Variants in SHISA9 observed in about 807,000 individuals in gnomAD.
SHISA9 encodes protein shisa-9.
In SHISA9, 13 loss-of-function variants were observed where a neutral mutation model predicts 38.0. That is an observed-to-expected ratio of 0.34 (90% confidence interval 0.22 to 0.54). SHISA9 has a LOEUF of 0.54. Ranked by LOEUF, SHISA9 falls within the 20% of genes least tolerant of loss-of-function variation. The probability of loss-of-function intolerance (pLI) is 0.91; values close to 1 mark genes in which losing one functional copy is unlikely to be tolerated. For synonymous variants in SHISA9, 275 were observed against 242.0 expected (o/e 1.14, Z -1.27); for missense variants, 538 against 575.8 (o/e 0.93, Z 0.67).
chr16:13,300,469 C>G, the SHISA9 span, among the ~76,000 whole-genome samples: 1 of 152,102 alleles, frequency 6.6e-6, no homozygotes, highest in Non-Finnish European at 1.5e-5. Flanking sequence ...GTGATATGGT[C>G]TGCCCCATGA....
the SHISA9 span, chr16:13,458,613 G>GATCTAA: frequency 2.6e-6 from 1 of 387,162 alleles, no homozygotes; most frequent in East Asian, 8.4e-5. Flanking sequence ...TAAGAGATTT[G>GATCTAA]GATCAAAGAT....
chr16:13,562,867 CAAG>C, the SHISA9 span: 1 of 149,058 alleles, frequency 6.7e-6, no homozygotes, highest in South Asian at 2.1e-4. Flanking sequence ...TAGAAATGCA[CAAG>C]AACTGAAAGC....
At chr16:13,392,946 G>A in the SHISA9 span, among the ~76,000 whole-genome samples, 1 of 152,240 alleles carries the variant, frequency 6.6e-6, no homozygotes, top group Non-Finnish European at 1.5e-5. Context: ...AGAGCTGTGA[G>A]ATGATAAATG....
At chr16:13,350,299 G>A in the SHISA9 span, 2 of 152,248 alleles carry the variant, frequency 1.3e-5, no homozygotes, top group South Asian at 4.1e-4. Context: ...CGCCTCGGTT[G>A]AGAGTTACAC....
At chr16:13,421,317 A>G in the SHISA9 span, among the ~76,000 whole-genome samples, 1 of 152,228 alleles carries the variant, frequency 6.6e-6, no homozygotes, top group South Asian at 2.1e-4. Context: ...ACTAGGAAGA[A>G]AAAGAGGTGT....
intron 2 of SHISA9, among the ~76,000 whole-genome samples, chr16:12,947,683 T>A (rs2071705014): frequency 6.6e-6 from 1 of 152,190 alleles, no homozygotes; most frequent in South Asian, 2.1e-4. Context: ...ATTCGATGCT[T>A]TTAGGATAAC....
intron 4 of SHISA9, among the ~76,000 whole-genome samples, chr16:13,228,634 G>A (rs1427410106): frequency 6.6e-6 from 1 of 152,212 alleles, no homozygotes; most frequent in Admixed American, 6.5e-5. Flanking sequence ...GGAGGAAAGT[G>A]AGAAAGATAG....
At chr16:13,311,131 G>A in the SHISA9 span, among the ~76,000 whole-genome samples, 1 of 151,998 alleles carries the variant, frequency 6.6e-6, no homozygotes, top group Non-Finnish European at 1.5e-5. Flanking sequence ...TCTCGTTTCT[G>A]CTTCTCTGTC....
the SHISA9 span, among the ~76,000 whole-genome samples, chr16:13,338,933 C>G: frequency 6.6e-6 from 1 of 152,148 alleles, no homozygotes; most frequent in African/African-American, 2.4e-5. Context: ...TTTCATCAAA[C>G]TTCAGAAGTA....
the SHISA9 span, among the ~76,000 whole-genome samples, chr16:13,440,439 G>T: frequency 1.2e-4 from 19 of 152,330 alleles, no homozygotes; most frequent in African/African-American, 4.6e-4. Context: ...ATTGAAGGGG[G>T]AGAAGGAAAG....
chr16:13,430,097 A>G, the SHISA9 span, among the ~76,000 whole-genome samples: 67 of 152,178 alleles, frequency 4.4e-4, no homozygotes, highest in East Asian at 4.6e-3. Context: ...ACAGGCATCT[A>G]TAAGTCCAAG....
chr16:12,938,215 T>A (rs1265239045), intron 2 of SHISA9, among the ~76,000 whole-genome samples: 1 of 152,218 alleles, frequency 6.6e-6, no homozygotes, highest in East Asian at 1.9e-4. Context: ...CTGTATATTT[T>A]CCGATGGGTC....
intron 2 of SHISA9, among the ~76,000 whole-genome samples, chr16:13,073,351 T>C (rs914299296): frequency 2.0e-5 from 3 of 152,006 alleles, no homozygotes; most frequent in Non-Finnish European, 4.4e-5. Context: ...GTCTTTGCCA[T>C]CTTTCACAGT....
chr16:13,026,605 A>G (rs924839738), intron 2 of SHISA9, among the ~76,000 whole-genome samples: 3 of 152,146 alleles, frequency 2.0e-5, no homozygotes, highest in Non-Finnish European at 2.9e-5. Flanking sequence ...GGATTGCTGC[A>G]TCGTATGGTA....
intron 3 of SHISA9, among the ~76,000 whole-genome samples, chr16:13,208,449 T>TC (rs1306406213): frequency 4.0e-5 from 6 of 148,716 alleles, no homozygotes; most frequent in African/African-American, 1.5e-4. Context: ...TTTTCTTTTT[T>TC]TTTTTTTTTG....
At chr16:13,259,540 C>T in the SHISA9 span, among the ~76,000 whole-genome samples, 10 of 152,376 alleles carry the variant, frequency 6.6e-5, no homozygotes, top group African/African-American at 2.2e-4. Flanking sequence ...AGAGGTTCTC[C>T]ATGAGGGCCC....
At chr16:13,496,461 A>C in the SHISA9 span, among the ~76,000 whole-genome samples, 202 of 152,278 alleles carry the variant, frequency 1.3e-3, no homozygotes, top group African/African-American at 4.5e-3. Flanking sequence ...AGCCATCTCA[A>C]GTCAATGGTC....
At chr16:13,213,407 T>C in intron 4 of SHISA9, 107 bp downstream of exon 4, 1 of 1,035,926 alleles carries the variant, frequency 9.7e-7, no homozygotes, top group Non-Finnish European at 1.4e-6. Context: ...TGCACATGTG[T>C]GTCTGCATAG....
At chr16:13,346,865 G>T in the SHISA9 span, among the ~76,000 whole-genome samples, 3 of 152,124 alleles carry the variant, frequency 2.0e-5, no homozygotes, top group Non-Finnish European at 4.4e-5. Context: ...TAAAAAATAT[G>T]GTGGTGCTTG....
Sources: gnomAD v4.1 joint callset for allele counts (sites outside exome capture counted in the v4.1 genomes callset) on GRCh38, gnomAD v4.1.1 for gene constraint, MANE v1.5 for transcripts, NCBI Gene and HGNC (gene_info 2026-07-23, HGNC 2026-07-21) for gene names.